ATPAF1: variants seen among roughly 807,000 people sequenced by gnomAD.
The protein encoded by ATPAF1 is homolog of yeast ATP11.
A neutral mutation model predicts 43.9 loss-of-function variants in ATPAF1; 26 were observed. The observed-to-expected ratio is 0.59, with a 90% CI of 0.43 to 0.82. The LOEUF is 0.82. Among genes scored for constraint, ATPAF1 ranks in the 40% least tolerant of loss-of-function variants. The pLI is 0.00. For missense variants in ATPAF1, 366 were observed against 435.0 expected, an observed-to-expected ratio of 0.84 and a Z score of 1.41; for synonymous variants, 157 against 168.0, an observed-to-expected ratio of 0.93 and a Z score of 0.50.
intron 2 of ATPAF1, chr1:46,663,978 T>A (rs547196823): frequency 9.3e-7 from 1 of 1,077,618 alleles, no homozygotes; most frequent in African/African-American, 1.7e-5. Flanking sequence ...TGGATTGTGA[T>A]CAGAGTTTTT....
chr1:46,660,062 T>G (rs1676359184), intron 2 of ATPAF1, among the ~76,000 whole-genome samples: 1 of 151,886 alleles, frequency 6.6e-6, no homozygotes, highest in African/African-American at 2.4e-5. Flanking sequence ...CTGCAACCTC[T>G]GCCTCCCAGG....
At chr1:46,654,886 C>T (rs1231302781) in intron 4 of ATPAF1, among the ~76,000 whole-genome samples, 2 of 152,086 alleles carry the variant, frequency 1.3e-5, no homozygotes, top group Non-Finnish European at 2.9e-5. Context: ...TTTTTTATGG[C>T]TGCATAGTAT....
chr1:46,667,237 G>GCC (rs1308400064), intron 1 of ATPAF1, among the ~76,000 whole-genome samples: 1,616 of 152,332 alleles, frequency 0.011, 22 homozygotes, highest in African/African-American at 0.037. Context: ...GGCAGTGGAA[G>GCC]TAGAGATGAG....
chr1:46,658,771 T>C, intron 2 of ATPAF1, 34 bp from the exon 3 acceptor site: 1 of 1,482,222 alleles, frequency 6.7e-7, no homozygotes, highest in Non-Finnish European at 9.1e-7. Context: ...TAATCTACAC[T>C]TTACTCATAA....
intron 6 of ATPAF1, among the ~76,000 whole-genome samples, chr1:46,651,157 A>G (rs1431880378): frequency 1.6e-5 from 2 of 121,622 alleles, no homozygotes; most frequent in African/African-American, 6.4e-5. Flanking sequence ...CACTCCCCCC[A>G]CCCCACAACA....
At chr1:46,652,517 G>T (rs620431) in intron 6 of ATPAF1, 64 bp downstream of exon 6, 438,857 of 1,444,534 alleles carry the variant, frequency 0.3, 83,239 homozygotes, top group East Asian at 0.78. Context: ...ATGACGTGAT[G>T]GGCTGGAAAA....
intron 7 of ATPAF1, among the ~76,000 whole-genome samples, chr1:46,644,699 T>G (rs868369203): frequency 8.5e-4 from 126 of 148,880 alleles, no homozygotes; most frequent in African/African-American, 2.9e-3. Context: ...TAATATTGTT[T>G]TATTGGAAAT....
chr1:46,665,088 GC>G (rs1676464693), intron 2 of ATPAF1, 167 bp downstream of exon 2: 1 of 641,550 alleles, frequency 1.6e-6, no homozygotes, highest in Non-Finnish European at 2.7e-6. Context: ...ACAGTACTTT[GC>G]CTAGAAAGAG....
At chr1:46,665,296 T>C (rs1676469749) in exon 2 of ATPAF1, 1 of 1,614,280 alleles carries the variant, frequency 6.2e-7, no homozygotes, top group Non-Finnish European at 8.5e-7. Flanking sequence ...TTGCCTGGAA[T>C]GCCCCACTGG....
intron 7 of ATPAF1, among the ~76,000 whole-genome samples, chr1:46,644,709 TAAAG>T (rs1033208739): frequency 1.5e-5 from 2 of 133,698 alleles, no homozygotes; most frequent in Admixed American, 8.2e-5. Context: ...TTATTGGAAA[TAAAG>T]AAATAAAGGA....
intron 1 of ATPAF1, among the ~76,000 whole-genome samples, chr1:46,667,800 TAA>T (rs1676516159): frequency 6.6e-6 from 1 of 152,166 alleles, no homozygotes; most frequent in African/African-American, 2.4e-5. Context: ...AGGGCTGTCA[TAA>T]GAGTCCACCT....
chr1:46,648,698 C>G (rs973514329), intron 6 of ATPAF1, among the ~76,000 whole-genome samples: 2 of 152,016 alleles, frequency 1.3e-5, no homozygotes, highest in African/African-American at 4.8e-5. Context: ...CATTTATGGG[C>G]CAGGTGCGGT....
chr1:46,633,531 T>C (rs1449330079), downstream of ATPAF1: 1 of 354,824 alleles, frequency 2.8e-6, no homozygotes, highest in Non-Finnish European at 5.3e-6. Flanking sequence ...GCCTGTCCAC[T>C]TTCTATAACA....
At chr1:46,657,414 GATAATGGAGAGCTATGAATGCCCAGAA>G (rs1251642145) in intron 4 of ATPAF1, among the ~76,000 whole-genome samples, 3 of 152,166 alleles carry the variant, frequency 2.0e-5, no homozygotes, top group African/African-American at 7.2e-5. Context: ...AAGGTCCTGT[GATAATGGAGAGCTATGAATGCCCAGAA>G]AAGGAATACA....
chr1:46,652,205 C>CA (rs10718568), intron 6 of ATPAF1, among the ~76,000 whole-genome samples: 2,270 of 109,686 alleles, frequency 0.021, 43 homozygotes, highest in African/African-American at 0.055. Context: ...ATAATAAAAG[C>CA]AAAAAAAAAA....
chr1:46,668,048 G>A lies in ATPAF1; in HGVS notation c.266+9C>T. ...CTCCTGCCCGCCTCCAGCCAACCCA[G>A]GCCCGCACCTGCGCAGCAGCTGGAT... On this transcript the variant is annotated intron_variant, in intron 1 of 8. Coordinates refer to ENST00000574428, the Ensembl canonical transcript of ATPAF1. The surrounding 1 kb of genome is among the most constrained non-coding windows in gnomAD (Gnocchi z 4.4). 2 of 1,392,918 alleles carry A rather than the reference G, an allele frequency of 1.4e-6. No individual in the cohort carries two copies. The highest frequency in any genetic ancestry group is 1.9e-6 in the Non-Finnish European group (2 of 1,071,440). The allele number at this position is 1,392,918 out of a possible 1,614,324, so 86.3% of individuals were successfully genotyped here. A position where few individuals can be genotyped will look rare whatever the true frequency, so the allele number is the denominator to read the frequency against.
chr1:46,638,826 T>G (rs893536181), intron 8 of ATPAF1, among the ~76,000 whole-genome samples: 1 of 151,744 alleles, frequency 6.6e-6, no homozygotes, highest in African/African-American at 2.4e-5. Flanking sequence ...AAGATAAACA[T>G]ACTAATTCCC....
chr1:46,653,856 T>C lies in ATPAF1; in HGVS notation c.501A>G (p.Gln167=), dbSNP rs753733066. 9.3e-6 allele frequency: 15 copies of C among 1,611,446 alleles called. No homozygotes were observed. The highest frequency in any genetic ancestry group is 4.5e-5 in the East Asian group (2 of 44,810). ...AGACTGTATCTTTTGCTGCAAAATA[T>C]TGCTGCCAAATCTGTACAAAAAAGA... The change falls in exon 5 of 9, where the codon CAA becomes CAG. Residue 167 remains glutamine (Q), a synonymous_variant. Transcript: ENST00000574428. This position sits in a 1 kb window ranked among gnomAD's most constrained non-coding sequence, Gnocchi z 4.8.
At chr1:46,639,947 A>T (rs1483091836) in intron 8 of ATPAF1, among the ~76,000 whole-genome samples, 1 of 152,180 alleles carries the variant, frequency 6.6e-6, no homozygotes, top group Non-Finnish European at 1.5e-5. Flanking sequence ...TCTGACCTTT[A>T]GGATCCACTT....
Sources: gnomAD v4.1 joint callset for allele counts (sites outside exome capture counted in the v4.1 genomes callset) on GRCh38, gnomAD v4.1.1 for gene constraint, Gnocchi (gnomAD v3.1) non-coding constraint, MANE v1.5 for transcripts, NCBI Gene and HGNC (gene_info 2026-07-23, HGNC 2026-07-21) for gene names.